Variants in AP4B1 observed in about 807,000 individuals in gnomAD.
AP4B1 encodes AP-4 complex subunit beta-1.
Under a neutral mutation model 76.5 loss-of-function variants are expected in AP4B1, and 49 were observed. The ratio of observed to expected loss-of-function variants is 0.64; its 90% confidence interval spans 0.51 to 0.81. The LOEUF is 0.81. Among genes scored for constraint, AP4B1 ranks in the 40% least tolerant of loss-of-function variants. The pLI is 0.00. For synonymous variants in AP4B1, 330 were observed against 333.3 expected, an observed-to-expected ratio of 0.99 and a Z score of 0.11; for missense variants, 911 against 904.9, an observed-to-expected ratio of 1.01 and a Z score of -0.09.
chr1:113,899,773 C>A, intron 5 of AP4B1, 131 bp downstream of exon 5: 1 of 1,447,202 alleles, frequency 6.9e-7, no homozygotes, highest in Non-Finnish European at 9.6e-7. Context: ...AGTCACTGAC[C>A]CAATTATTTA....
chr1:113,895,091 C>A lies in AP4B1; in HGVS notation c.2194G>T (p.Gly732Ter), dbSNP rs1667297460. 1 of 1,613,822 alleles carries A rather than the reference C, an allele frequency of 6.2e-7. No individual in the cohort carries two copies. Among genetic ancestry groups the A allele is most frequent in the African/African-American group, 1.3e-5 (1 of 74,912 alleles). Residue 732 changes from glycine (G) to a stop codon, truncating the protein, a stop_gained, in exon 10 of 10, where the codon GGA (glycine) becomes TGA (stop). Coordinates refer to ENST00000369569, the MANE Select transcript of AP4B1 (RefSeq NM_001253852.3). LOFTEE classifies it high-confidence loss of function. ...TATGATTTTATTTCTTCAATTGTTC[C>A]AATCACAGTTTCTAATACAGAAATA... ...SFISVLETVI[G>*]TIEEIKS
Position 113,897,930 on chromosome 1 carries a change from A to T in AP4B1, c.1212T>A (p.Thr404=). The part of the protein sequence containing the change: ...QEHITTVVVQ[T]FRDLVWLCPQ... ...GACACAACCAAACCAGGTCTCGGAA[A>T]GTCTGCACCACCACTACAATACAGG... The change falls in exon 7 of 10, where the codon ACT becomes ACA. Residue 404 remains threonine (T), a synonymous_variant. Transcript: ENST00000369569. 1 of 1,614,158 alleles carries T rather than the reference A, an allele frequency of 6.2e-7. No homozygotes were observed. The highest frequency in any genetic ancestry group is 1.1e-5 in the South Asian group (1 of 91,084).
Position 113,904,693 on chromosome 1 carries a change from C to A in AP4B1, c.25G>T (p.Val9Leu), listed in dbSNP as rs1668751261. The change falls in exon 1 of 10, where the codon GTG (valine) becomes TTG (leucine). Residue 9 changes from valine to leucine, a missense_variant. By Grantham distance (32) the Val-to-Leu change is conservative. Coordinates refer to ENST00000369569, the MANE Select transcript of AP4B1 (RefSeq NM_001253852.3). ...AGAGCCTTCTTCAGCTCCTTCACCA[C>A]GTCCTCGGAGCCAAGGTACGGCATC... MPYLGSED[V>L]VKELKKALCN... The A allele has an allele frequency of 6.2e-7, 1 of 1,612,448 alleles. No individual in the cohort carries two copies.
intron 3 of AP4B1, 93 bp downstream of exon 3, chr1:113,901,662 C>G: frequency 6.5e-7 from 1 of 1,537,632 alleles, no homozygotes; most frequent in Non-Finnish European, 9.0e-7. Flanking sequence ...AGAACTGGGG[C>G]CACATTATTA....
intron 5 of AP4B1, among the ~76,000 whole-genome samples, 164 bp from the exon 6 acceptor site, chr1:113,898,965 A>G (rs1667867062): frequency 6.6e-6 from 1 of 152,206 alleles, no homozygotes; most frequent in Admixed American, 6.5e-5. Flanking sequence ...TAAGTTTACT[A>G]TAAAGGGAAC....
chr1:113,899,742 A>C lies in AP4B1; in HGVS notation c.1114+162T>G. ...AAAAAAAAACAAAAAACAAAAAAAA[A>C]CTCTCTTCCCCCGTGTTTGTAGTCA... On this transcript the variant is annotated intron_variant, in intron 5 of 9. Coordinates refer to ENST00000369569, the MANE Select transcript of AP4B1 (RefSeq NM_001253852.3). The C allele has an allele frequency of 5.1e-6, 6 of 1,178,800 alleles. No homozygotes were observed. In the East Asian group the frequency reaches 9.4e-5, roughly 18 times the overall value. 73.0% of individuals were successfully genotyped at this position (1,178,800 alleles called of 1,614,324 possible).
At chr1:113,898,147 T>A (rs926213569) in intron 6 of AP4B1, 1 of 497,790 alleles carries the variant, frequency 2.0e-6, no homozygotes, top group South Asian at 8.6e-5. Flanking sequence ...CAGATTGACA[T>A]GAGGATAAAT....
chr1:113,899,198 T>C, intron 5 of AP4B1: 1 of 1,041,902 alleles, frequency 9.6e-7, no homozygotes. Flanking sequence ...CTTTGCTCCC[T>C]CTTCTCTGCC....
upstream of AP4B1, chr1:113,904,818 T>C: frequency 1.9e-6 from 2 of 1,045,910 alleles, no homozygotes; most frequent in Admixed American, 1.7e-5. Context: ...TATGAGTCAG[T>C]GAAAATACAA....
chr1:113,904,424 C>G (rs938983834), intron 1 of AP4B1, among the ~76,000 whole-genome samples, 181 bp downstream of exon 1: 1 of 152,214 alleles, frequency 6.6e-6, no homozygotes, highest in Non-Finnish European at 1.5e-5. Flanking sequence ...AACTACCCAG[C>G]TGAGTAAAAG....
chr1:113,898,918 G>T, intron 5 of AP4B1, 117 bp from the exon 6 acceptor site: 4 of 857,756 alleles, frequency 4.7e-6, no homozygotes, highest in Non-Finnish European at 7.1e-6. Flanking sequence ...AAAAAAAAAA[G>T]AAAAAAATTC....
intron 4 of AP4B1, chr1:113,900,950 A>C: frequency 2.6e-6 from 1 of 390,276 alleles, no homozygotes. Flanking sequence ...TCTACTAAAA[A>C]TACAAAATTA....
In AP4B1 at chr1:113,894,795, G is replaced by C. The variant is rs546208064; in HGVS notation, c.*270C>G. The C allele has an allele frequency of 3.2e-5, 13 of 408,826 alleles. No homozygotes were observed. Among genetic ancestry groups the C allele is most frequent in the South Asian group, 2.0e-4 (8 of 39,782 alleles). 25.3% of individuals were successfully genotyped at this position (408,826 alleles called of 1,614,324 possible). The stretch of plus-strand genomic sequence containing the variant: ...AATTACTAACACAATTCCTAAAATT[G>C]ATTAGGAAATAATCCAAATCCCATC... On this transcript the variant is annotated 3_prime_UTR_variant, in exon 10 of 10. Transcript: ENST00000369569.
Position 113,896,286 on chromosome 1 carries a change from C to T in AP4B1, c.1482G>A (p.Met494Ile). The change falls in exon 8 of 10, where the codon ATG becomes ATA. Residue 494 changes from methionine (M) to isoleucine (I), a missense_variant. Physicochemically the swap from Met to Ile is conservative, Grantham distance 10 (BLOSUM62 1). Coordinates refer to ENST00000369569, the MANE Select transcript of AP4B1 (RefSeq NM_001253852.3). Reference protein sequence around the residue: ...FLSRPAECQDMLGRLLYYCIE... With the variant: ...FLSRPAECQDILGRLLYYCIE... ...TGCAGTAATACAACAAACGTCCTAGCATGTCCTGGCACTCAGCAGGTCGGG... is the reference window on the plus strand; with the variant it reads ...TGCAGTAATACAACAAACGTCCTAGTATGTCCTGGCACTCAGCAGGTCGGG... 1 of 1,614,236 alleles carries T rather than the reference C, an allele frequency of 6.2e-7. No homozygotes were observed. The highest frequency in any genetic ancestry group is 2.2e-5 in the East Asian group (1 of 44,884).
chr1:113,901,495 T>C, intron 3 of AP4B1, 112 bp from the exon 4 acceptor site: 1 of 1,321,954 alleles, frequency 7.6e-7, no homozygotes, highest in Non-Finnish European at 1.1e-6. Context: ...GCTACAAAAA[T>C]GACAAAGGCC....
rs1301678999 is a variant in AP4B1, at chr1:113,900,191, C to T, written c.827G>A (p.Arg276Gln). Residue 276 changes from arginine to glutamine, a missense_variant, in exon 5 of 10, where the codon CGG becomes CAG. Coordinates refer to ENST00000369569, the MANE Select transcript of AP4B1 (RefSeq NM_001253852.3). ...GGCAGCTAGCAAAGGTCCCTTGACC[C>T]GCACAAGGACATCAGTTTGTACGTG... ...FPHVQTDVLV[R>Q]VKGPLLAACS... The T allele has an allele frequency of 4.3e-6, 7 of 1,613,920 alleles. No homozygotes were observed. The highest frequency in any genetic ancestry group is 3.3e-5 in the Admixed American group (2 of 59,978).
intron 7 of AP4B1, 193 bp downstream of exon 7, chr1:113,897,647 T>C (rs1398764666): frequency 1.6e-6 from 1 of 641,244 alleles, no homozygotes; most frequent in Non-Finnish European, 2.7e-6. Context: ...AGTTTTGTAA[T>C]AAAACCCGTC....
In AP4B1 at chr1:113,894,388, A is replaced by G. The variant is rs1007516111; in HGVS notation, c.*677T>C. Among the ~76,000 whole-genome samples, 14 of 152,358 alleles carry G rather than the reference A, an allele frequency of 9.2e-5. No individual in the cohort carries two copies. Among genetic ancestry groups the G allele is most frequent in the Non-Finnish European group, 1.9e-4 (13 of 68,040 alleles). On this transcript the variant is annotated 3_prime_UTR_variant, in exon 10 of 10. Coordinates refer to ENST00000369569, the MANE Select transcript of AP4B1 (RefSeq NM_001253852.3). ...CCCTAATGAAGGCAGTGAGGGTTAA[A>G]GGAAACTTCCTGAAGGAGCTTATGA...
chr1:113,896,104 C>A, intron 8 of AP4B1, 66 bp from the exon 9 acceptor site: 2 of 1,609,482 alleles, frequency 1.2e-6, no homozygotes, highest in Non-Finnish European at 1.7e-6. Flanking sequence ...CTTGTGCCAA[C>A]CATAATAGGA....
Sources: gnomAD v4.1 joint callset for allele counts (sites outside exome capture counted in the v4.1 genomes callset) on GRCh38, gnomAD v4.1.1 for gene constraint, MANE v1.5 for transcripts, NCBI Gene and HGNC (gene_info 2026-07-23, HGNC 2026-07-21) for gene names.